Variants in PIBF1 observed in about 807,000 individuals in gnomAD.
PIBF1 encodes progesterone-induced-blocking factor 1.
In PIBF1, 90 loss-of-function variants were observed where a neutral mutation model predicts 112.5. The ratio of observed to expected loss-of-function variants is 0.80; its 90% CI spans 0.67 to 0.95. The LOEUF (loss-of-function observed/expected upper bound fraction) is 0.95. Ranked by LOEUF, PIBF1 falls within the 40% of genes least tolerant of loss-of-function variation. PIBF1 has a pLI of 0.00. For synonymous variants in PIBF1, 301 were observed against 288.6 expected (o/e 1.04, Z -0.44); for missense variants, 915 against 852.3 (o/e 1.07, Z -0.92).
At chr13:72,992,808 A>G (rs1401124160) in intron 16 of PIBF1, among the ~76,000 whole-genome samples, 1 of 152,062 alleles carries the variant, frequency 6.6e-6, no homozygotes, top group Non-Finnish European at 1.5e-5. Flanking sequence ...TTGTCTCAGA[A>G]AAAATAAAAA....
intron 14 of PIBF1, among the ~76,000 whole-genome samples, chr13:72,954,545 A>G (rs1156821917): frequency 6.6e-6 from 1 of 152,148 alleles, no homozygotes; most frequent in Non-Finnish European, 1.5e-5. Flanking sequence ...AGTGCGTGCA[A>G]AGCACATCCT....
intron 10 of PIBF1, among the ~76,000 whole-genome samples, chr13:72,870,092 C>T (rs1451365650): frequency 6.6e-6 from 1 of 152,090 alleles, no homozygotes; most frequent in East Asian, 1.9e-4. Context: ...ACATGACATA[C>T]AATTCCATAT....
In PIBF1 at chr13:72,931,067, T is replaced by C. The variant is rs182582892; in HGVS notation, c.1731-98T>C. 3.4e-4 allele frequency: 236 copies of C among 691,966 alleles called. 1 individual carries two copies. The East Asian group carries it at 4.9e-3, about 14-fold the overall frequency. 42.9% of individuals were successfully genotyped at this position (691,966 alleles called of 1,614,324 possible). ...TTTTCTGTTAATATTTAAGTATAAT[T>C]AGGAAATGATGTCTATTTTCAAGTA... On this transcript the variant is annotated intron_variant, in intron 13 of 17. Coordinates refer to ENST00000326291, the MANE Select transcript of PIBF1 (RefSeq NM_006346.4).
At chr13:72,888,382 G>A (rs1487022581) in intron 10 of PIBF1, among the ~76,000 whole-genome samples, 1 of 152,078 alleles carries the variant, frequency 6.6e-6, no homozygotes, top group African/African-American at 2.4e-5. Context: ...GTGAGGAGAT[G>A]GAGAAACCAT....
At chr13:72,870,380 A>G (rs7998287) in intron 10 of PIBF1, among the ~76,000 whole-genome samples, 31,833 of 152,164 alleles carry the variant, frequency 0.21, 3,423 homozygotes, top group Middle Eastern at 0.27. Context: ...AGAGAAACGT[A>G]TCTCTCCCCA....
At chr13:72,952,464 A>T (rs2042326028) in intron 14 of PIBF1, among the ~76,000 whole-genome samples, 1 of 151,560 alleles carries the variant, frequency 6.6e-6, no homozygotes, top group Non-Finnish European at 1.5e-5. Context: ...TTTATCTAGT[A>T]TTATCTTGGT....
rs558514506 is a variant in PIBF1, at chr13:72,853,819, C to T, written c.1224-238C>T. Among the ~76,000 whole-genome samples the T allele has an allele frequency of 2.6e-5, 4 of 152,176 alleles. No individual in the cohort carries two copies. The South Asian group carries it at 8.3e-4, about 32-fold the overall frequency. ...ATTACTATATATACAAACTGGTTAG[C>T]CAACCCTTTGACCCATGCGGAGAAG... On this transcript the variant is annotated intron_variant, in intron 9 of 17. Transcript: ENST00000326291.
chr13:73,005,426 T>C (rs776928120), intron 17 of PIBF1, among the ~76,000 whole-genome samples: 1 of 151,800 alleles, frequency 6.6e-6, no homozygotes, highest in African/African-American at 2.4e-5. Flanking sequence ...GTGAGCCATG[T>C]TCACGCCACT....
chr13:72,867,291 C>G (rs1485680868), intron 10 of PIBF1, among the ~76,000 whole-genome samples: 1 of 152,206 alleles, frequency 6.6e-6, no homozygotes, highest in Non-Finnish European at 1.5e-5. Flanking sequence ...ACAAGGAGGC[C>G]TCCTCAGCCA....
At chr13:72,972,126 T>C (rs1421721021) in intron 15 of PIBF1, among the ~76,000 whole-genome samples, 3 of 151,862 alleles carry the variant, frequency 2.0e-5, no homozygotes, top group Non-Finnish European at 4.4e-5. Context: ...CTCAAACTCC[T>C]GGGCTCGAGC....
At chr13:72,880,302 T>C (rs2039573330) in intron 10 of PIBF1, among the ~76,000 whole-genome samples, 1 of 152,184 alleles carries the variant, frequency 6.6e-6, no homozygotes, top group African/African-American at 2.4e-5. Flanking sequence ...GAACATCTCA[T>C]GGTTTATAGA....
At chr13:72,995,270 C>T (rs1436185282) in intron 16 of PIBF1, among the ~76,000 whole-genome samples, 1 of 145,772 alleles carries the variant, frequency 6.9e-6, no homozygotes, top group Non-Finnish European at 1.5e-5. Flanking sequence ...CACTGCACTC[C>T]AACCTGGGCG....
intron 13 of PIBF1, among the ~76,000 whole-genome samples, chr13:72,920,052 G>C (rs2041235612): frequency 6.6e-6 from 1 of 152,128 alleles, no homozygotes; most frequent in African/African-American, 2.4e-5. Flanking sequence ...GAGTTCTTCA[G>C]AATCACAAAC....
At chr13:72,876,799 T>G (rs1380445059) in intron 10 of PIBF1, among the ~76,000 whole-genome samples, 1 of 152,312 alleles carries the variant, frequency 6.6e-6, no homozygotes, top group Non-Finnish European at 1.5e-5. Context: ...CTATAATCAC[T>G]TACTAGTTCC....
intron 2 of PIBF1, among the ~76,000 whole-genome samples, chr13:72,787,640 G>T (rs1263680702): frequency 6.6e-6 from 1 of 152,090 alleles, no homozygotes; most frequent in Non-Finnish European, 1.5e-5. Flanking sequence ...CAATTTGGTA[G>T]TGCTGCCATA....
chr13:72,945,929 GA>G (rs2042137994), intron 14 of PIBF1, among the ~76,000 whole-genome samples: 2 of 152,062 alleles, frequency 1.3e-5, no homozygotes, highest in African/African-American at 4.8e-5. Context: ...AGCACTTTAT[GA>G]AACCACATAA....
At chr13:73,001,582 C>CGTTTTTTTTTTTTTTTTTTTT (rs2043867446) in intron 17 of PIBF1, among the ~76,000 whole-genome samples, 1 of 29,160 alleles carries the variant, frequency 3.4e-5, no homozygotes. Context: ...AAGAGCTTGA[C>CGTTTTTTTTTTTTTTTTTTTT]TTTTTTTTTT....
At chr13:72,868,966 A>G (rs1173855648) in intron 10 of PIBF1, among the ~76,000 whole-genome samples, 1 of 152,174 alleles carries the variant, frequency 6.6e-6, no homozygotes, top group Non-Finnish European at 1.5e-5. Context: ...TCAGGAAACA[A>G]CAGGTGCTGG....
intron 16 of PIBF1, among the ~76,000 whole-genome samples, chr13:72,997,497 C>T (rs1047840148): frequency 2.9e-4 from 44 of 152,210 alleles, no homozygotes; most frequent in Middle Eastern, 3.2e-3. Context: ...GATTCTGACA[C>T]CATTTCTTCT....
Sources: gnomAD v4.1 joint callset for allele counts (sites outside exome capture counted in the v4.1 genomes callset) on GRCh38, gnomAD v4.1.1 for gene constraint, MANE v1.5 for transcripts, NCBI Gene and HGNC (gene_info 2026-07-23, HGNC 2026-07-21) for gene names.